The following SMARCB1 variants were observed in gnomAD, a reference collection of about 807,000 sequenced individuals.
SMARCB1 encodes the protein SWI/SNF-related matrix-associated actin-dependent regulator of chromatin subfamily B member 1.
SMARCB1 carries 5 observed loss-of-function variants against 49.0 expected under a neutral mutation model. That is an observed-to-expected ratio of 0.10 (90% CI 0.05 to 0.21). The LOEUF (loss-of-function observed/expected upper bound fraction) is 0.21. SMARCB1 is among the 10% of genes least tolerant of loss of function. The pLI is 1.00. For synonymous variants in SMARCB1, 201 were observed against 200.1 expected (o/e 1.00, Z -0.04); for missense variants, 226 against 509.2 (o/e 0.44, Z 5.35).
Position 23,837,963 on chromosome 22 carries a change from C to G in SMARCB1, c.*3783C>G, listed in dbSNP as rs1427337697. On this transcript the variant is annotated 3_prime_UTR_variant, in exon 9 of 9. Transcript: ENST00000644036. ...CCCTCATCTCCCCTATGTGCTATTC[C>G]CTCATCAAGATGAGCCAGTCCAATA... The G allele has an allele frequency of 1.5e-6, 2 of 1,291,194 alleles. No homozygotes were observed. The highest frequency in any genetic ancestry group is 2.1e-6 in the Non-Finnish European group (2 of 955,268). The allele number at this position is 1,291,194 out of a possible 1,614,324, so 80.0% of individuals were successfully genotyped here.
Position 23,803,416 on chromosome 22 carries a change from A to T in SMARCB1, c.622A>T (p.Met208Leu), listed in dbSNP as rs1457130071. The T allele has an allele frequency of 1.9e-6, 3 of 1,614,134 alleles. No individual in the cohort carries two copies. Among genetic ancestry groups the T allele is most frequent in the Non-Finnish European group, 2.5e-6 (3 of 1,180,036 alleles). The change falls in exon 5 of 9, where the codon ATG becomes TTG. Residue 208 changes from methionine (M) to leucine (L), a missense_variant. By Grantham distance (15) the Met-to-Leu change is conservative. Transcript: ENST00000644036. ...GCTGCGAGACGCCTTCACCTGGAAC[A>T]TGAATGGTACAAGGCAGTCGGGCTT... ...QKLRDAFTWN[M>L]NEKLMTPEMF...
At chr22:23,799,679 A>ATTTTTTTTTGTTTT (rs1929015826) in intron 3 of SMARCB1, among the ~76,000 whole-genome samples, 1 of 68,406 alleles carries the variant, frequency 1.5e-5, no homozygotes, top group Non-Finnish European at 2.7e-5. Context: ...CACCTGGCTA[A>ATTTTTTTTTGTTTT]TTTTTTTTTT....
chr22:23,826,821 G>T (rs1237881820), intron 7 of SMARCB1, among the ~76,000 whole-genome samples: 1 of 152,228 alleles, frequency 6.6e-6, no homozygotes, highest in East Asian at 1.9e-4. Context: ...AAGGGCCCGG[G>T]CCTGGGAAAC....
intron 2 of SMARCB1, 106 bp downstream of exon 2, chr22:23,792,000 G>T: frequency 7.7e-7 from 1 of 1,305,192 alleles, no homozygotes. Flanking sequence ...CTTGGCCTTA[G>T]TCGGGCAGGG....
intron 7 of SMARCB1, among the ~76,000 whole-genome samples, chr22:23,829,705 A>G (rs538629375): frequency 3.9e-5 from 6 of 152,354 alleles, no homozygotes; most frequent in African/African-American, 1.2e-4. Flanking sequence ...CATACAATTC[A>G]CACATTTAGA....
At chr22:23,802,314 TC>T (rs900715708) in intron 4 of SMARCB1, 90 of 152,764 alleles carry the variant, frequency 5.9e-4, no homozygotes, top group Middle Eastern at 3.2e-3. Context: ...CTGTCAGACC[TC>T]CCAGAGCTCC....
Position 23,834,211 on chromosome 22 carries a change from C to G in SMARCB1, c.*31C>G. The G allele has an allele frequency of 6.4e-7, 1 of 1,569,848 alleles. No individual in the cohort carries two copies. Among genetic ancestry groups the G allele is most frequent in the Non-Finnish European group, 8.6e-7 (1 of 1,157,108 alleles). On this transcript the variant is annotated 3_prime_UTR_variant, in exon 9 of 9. Transcript: ENST00000644036. The stretch of plus-strand genomic sequence containing the variant: ...CCATCAGCACACGGCTCCCACGGAG[C>G]ATCTCAGAAGATTGGGCCGCCTCTC...
chr22:23,837,972 G>T lies in SMARCB1; in HGVS notation c.*3792G>T, dbSNP rs569889280. 26 of 1,271,564 alleles carry T rather than the reference G, an allele frequency of 2.0e-5. No homozygotes were observed. The South Asian group carries it at 3.4e-4, about 17-fold the overall frequency. The allele number at this position is 1,271,564 out of a possible 1,614,324, so 78.8% of individuals were successfully genotyped here. On this transcript the variant is annotated 3_prime_UTR_variant, in exon 9 of 9. Coordinates refer to ENST00000644036, the MANE Select transcript of SMARCB1 (RefSeq NM_003073.5). Reference sequence around the variant, plus strand: ...CCCCTATGTGCTATTCCCTCATCAAGATGAGCCAGTCCAATAAAGGCGACA... The same window carrying T: ...CCCCTATGTGCTATTCCCTCATCAATATGAGCCAGTCCAATAAAGGCGACA...
intron 6 of SMARCB1, among the ~76,000 whole-genome samples, chr22:23,821,676 C>A (rs1283713646): frequency 6.6e-6 from 1 of 151,870 alleles, no homozygotes; most frequent in African/African-American, 2.4e-5. Context: ...ATGGTGAAAC[C>A]CTGTCTCTAC....
intron 5 of SMARCB1, chr22:23,803,688 A>T: frequency 1.8e-6 from 1 of 548,826 alleles, no homozygotes; most frequent in South Asian, 1.9e-5. Flanking sequence ...GCTGATCTGC[A>T]TAGCATGGAT....
intron 5 of SMARCB1, among the ~76,000 whole-genome samples, chr22:23,807,122 A>G (rs916872056): frequency 6.6e-6 from 1 of 152,188 alleles, no homozygotes; most frequent in Non-Finnish European, 1.5e-5. Context: ...TTGCCTAACC[A>G]GAACACATGT....
intron 5 of SMARCB1, among the ~76,000 whole-genome samples, chr22:23,809,272 ATTCT>A (rs1301617345): frequency 6.9e-6 from 1 of 145,668 alleles, no homozygotes; most frequent in Non-Finnish European, 1.5e-5. Context: ...GATATTGGAC[ATTCT>A]TTTTTTTTTT....
chr22:23,811,100 A>C (rs973554742), intron 5 of SMARCB1, among the ~76,000 whole-genome samples: 1 of 152,172 alleles, frequency 6.6e-6, no homozygotes, highest in Admixed American at 6.6e-5. Flanking sequence ...AGGAGTGACA[A>C]TGTTAGTATC....
chr22:23,802,424 C>G (rs762266), intron 4 of SMARCB1: 9,101 of 152,658 alleles, frequency 0.06, 749 homozygotes, highest in African/African-American at 0.18. Flanking sequence ...TTCCCTCCCT[C>G]CCATCCTACC....
intron 7 of SMARCB1, among the ~76,000 whole-genome samples, chr22:23,832,202 C>T (rs569410205): frequency 2.6e-5 from 1 of 39,200 alleles, no homozygotes; most frequent in South Asian, 5.6e-4. Context: ...CAGGCTGGTC[C>T]CACAACCTTG....
Position 23,836,603 on chromosome 22 carries a change from T to G in SMARCB1, c.*2423T>G, listed in dbSNP as rs2146058001. ...CTGCCAGGCAACCATGGGCAGTTTCTTTGCCCTCTGTGGGCACCCCTATCC... is the reference window on the plus strand; with the variant it reads ...CTGCCAGGCAACCATGGGCAGTTTCGTTGCCCTCTGTGGGCACCCCTATCC... On this transcript the variant is annotated 3_prime_UTR_variant, in exon 9 of 9. Transcript: ENST00000644036. The G allele has an allele frequency of 8.4e-7, 1 of 1,192,112 alleles. No homozygotes were observed. The highest frequency in any genetic ancestry group is 1.6e-5 in the African/African-American group (1 of 63,234). The allele number at this position is 1,192,112 out of a possible 1,614,324, so 73.8% of individuals were successfully genotyped here. A position where few individuals can be genotyped will look rare whatever the true frequency, so the allele number is the denominator to read the frequency against.
At chr22:23,816,668 C>A in intron 5 of SMARCB1, 102 bp from the exon 6 acceptor site, 1 of 1,115,872 alleles carries the variant, frequency 9.0e-7, no homozygotes, top group South Asian at 1.2e-5. Flanking sequence ...TCCTCTCCTG[C>A]ATCCGGAGAT....
chr22:23,816,099 G>C (rs1343081189), intron 5 of SMARCB1: 6 of 153,568 alleles, frequency 3.9e-5, no homozygotes, highest in African/African-American at 1.4e-4. Flanking sequence ...GGCTTTTTCA[G>C]CTTATTCCTG....
rs529662880 is a variant in SMARCB1, at chr22:23,799,517, T to TG, written c.363-1427_363-1426insG. ...GGTTTCGAACTCACCTTTTGGTTTT[T>TG]TTTTTTTTTTTTGAGATGGAGTTTC... On this transcript the variant is annotated intron_variant, in intron 3 of 8. Coordinates refer to ENST00000644036, the MANE Select transcript of SMARCB1 (RefSeq NM_003073.5). 1.9e-3 allele frequency among the ~76,000 whole-genome samples: 272 copies of TG among 145,052 alleles called. 2 individuals are homozygous for TG. The highest frequency in any genetic ancestry group is 2.4e-3 in the Non-Finnish European group (156 of 65,672).
Sources: allele counts gnomAD v4.1 joint callset (sites outside exome capture counted in the v4.1 genomes callset), GRCh38; gene constraint gnomAD v4.1.1; transcripts MANE v1.5; gene names NCBI Gene and HGNC (gene_info 2026-07-23, HGNC 2026-07-21).